The following PCDH15 variants were observed in gnomAD, a reference collection of about 807,000 sequenced individuals.
The protein encoded by PCDH15 is protocadherin related 15.
A neutral mutation model predicts 178.5 loss-of-function variants in PCDH15; 129 were observed. The ratio of observed to expected loss-of-function variants is 0.72; its 90% CI spans 0.63 to 0.84. The LOEUF is 0.84. PCDH15 is among the 40% of genes least tolerant of loss of function. The pLI is 0.00. For missense variants in PCDH15, 2,230 were observed against 2,099.9 expected (o/e 1.06, Z -1.21); for synonymous variants, 800 against 732.0 (o/e 1.09, Z -1.50).
chr10:54,182,644 C>G lies in PCDH15; in HGVS notation c.1590+800G>C, dbSNP rs1189672746. ...TACATGTTTTCAAAGTTACCATTTA[C>G]TATCTAACTTAAATTTTCTCTGCTG... On this transcript the variant is annotated intron_variant, in intron 13 of 37. Coordinates refer to ENST00000644397, the MANE Select transcript of PCDH15 (RefSeq NM_001384140.1). 3.9e-5 allele frequency among the ~76,000 whole-genome samples: 6 copies of G among 151,932 alleles called. 1 individual carries two copies. In the East Asian group the frequency reaches 1.2e-3, roughly 29 times the overall value.
chr10:55,606,570 C>T (rs979793100), intron 2 of PCDH15, among the ~76,000 whole-genome samples: 2,331 of 142,102 alleles, frequency 0.016, no homozygotes, highest in African/African-American at 0.06. Flanking sequence ...TGGAACAGAA[C>T]AGAGCCCTCA....
chr10:54,327,132 CA>C (rs1196828894), intron 7 of PCDH15, among the ~76,000 whole-genome samples: 1 of 151,758 alleles, frequency 6.6e-6, no homozygotes, highest in Non-Finnish European at 1.5e-5. Context: ...AACTAGACAC[CA>C]ATTCAGAATC....
chr10:54,284,874 G>T (rs1291150098), intron 8 of PCDH15, among the ~76,000 whole-genome samples: 1 of 152,146 alleles, frequency 6.6e-6, no homozygotes, highest in East Asian at 1.9e-4. Flanking sequence ...CCTGGTTCAT[G>T]GAGTCATACA....
At chr10:54,082,773 A>AC (rs2135978731) in intron 16 of PCDH15, among the ~76,000 whole-genome samples, 1 of 144,508 alleles carries the variant, frequency 6.9e-6, no homozygotes, top group Admixed American at 7.0e-5. Flanking sequence ...AAAAAAAAAA[A>AC]CCTTTTGTGC....
chr10:55,163,814 C>T (rs1278143644), intron 2 of PCDH15, among the ~76,000 whole-genome samples: 1 of 152,148 alleles, frequency 6.6e-6, no homozygotes, highest in Non-Finnish European at 1.5e-5. Flanking sequence ...GGGAGGAACC[C>T]TCAGTTCCAG....
intron 3 of PCDH15, among the ~76,000 whole-genome samples, chr10:54,812,439 T>G (rs1359403663): frequency 2.0e-5 from 3 of 151,588 alleles, no homozygotes; most frequent in Admixed American, 2.0e-4. Context: ...CCCAACTAAT[T>G]TTTTGTTTGT....
intron 4 of PCDH15, 60 bp downstream of exon 4, chr10:54,378,722 C>T (rs1210667233): frequency 6.5e-7 from 1 of 1,534,168 alleles, no homozygotes; most frequent in African/African-American, 1.4e-5. Context: ...TAAACACACA[C>T]ATAGACATTT....
intron 1 of PCDH15, among the ~76,000 whole-genome samples, chr10:54,747,079 G>A (rs544272821): frequency 6.6e-6 from 1 of 152,338 alleles, no homozygotes; most frequent in Non-Finnish European, 1.5e-5. Context: ...CTCTAGATAA[G>A]TTCATTAGAG....
At chr10:54,972,877 T>G (rs1331984615) in intron 2 of PCDH15, among the ~76,000 whole-genome samples, 1 of 142,470 alleles carries the variant, frequency 7.0e-6, no homozygotes, top group East Asian at 2.1e-4. Flanking sequence ...AAAAGAATAC[T>G]CAGAGATTTT....
chr10:54,534,240 C>T (rs941369586), intron 2 of PCDH15, among the ~76,000 whole-genome samples: 7 of 152,004 alleles, frequency 4.6e-5, no homozygotes, highest in African/African-American at 1.7e-4. Context: ...CCTCAGCTCT[C>T]CCAAATATTC....
At chr10:53,958,842 G>A (rs2087912285) in intron 23 of PCDH15, among the ~76,000 whole-genome samples, 1 of 151,714 alleles carries the variant, frequency 6.6e-6, no homozygotes, top group Admixed American at 6.6e-5. Context: ...AGCCAGGCAT[G>A]GTGGTGGGCA....
intron 2 of PCDH15, among the ~76,000 whole-genome samples, chr10:55,046,237 C>T (rs934403771): frequency 4.0e-5 from 6 of 151,874 alleles, no homozygotes; most frequent in African/African-American, 1.2e-4. Context: ...GAAATACCTG[C>T]TTGTGAGGAA....
At chr10:55,121,923 T>C (rs1837782796) in intron 2 of PCDH15, among the ~76,000 whole-genome samples, 2 of 152,152 alleles carry the variant, frequency 1.3e-5, no homozygotes, top group South Asian at 4.1e-4. Flanking sequence ...AAATGGCTGC[T>C]GTCTATGAAT....
chr10:55,457,220 C>A (rs1839574058), intron 2 of PCDH15, among the ~76,000 whole-genome samples: 1 of 151,980 alleles, frequency 6.6e-6, no homozygotes, highest in Non-Finnish European at 1.5e-5. Context: ...TAGGGCAATT[C>A]AACATTTTTA....
chr10:53,851,663 C>T (rs1181511569), intron 28 of PCDH15, among the ~76,000 whole-genome samples: 4 of 123,032 alleles, frequency 3.3e-5, no homozygotes, highest in Non-Finnish European at 5.1e-5. Flanking sequence ...TCTAATTATC[C>T]TCCTAGAAAT....
In PCDH15 at chr10:54,483,159, AT is replaced by A; in HGVS notation, c.157+44652del. Among the ~76,000 whole-genome samples the A allele has an allele frequency of 1.3e-5, 2 of 152,026 alleles. 1 individual carries two copies. Among genetic ancestry groups the A allele is most frequent in the South Asian group, 4.1e-4 (2 of 4,826 alleles). On this transcript the variant is annotated intron_variant, in intron 3 of 37. Transcript: ENST00000644397. ...TAAAATGAAACAAAATAATATGGAA[AT>A]TATAATTAAAAATTATTCTTGACTG...
intron 5 of PCDH15, among the ~76,000 whole-genome samples, chr10:54,367,952 G>A (rs1947060620): frequency 6.6e-6 from 1 of 151,700 alleles, no homozygotes; most frequent in Non-Finnish European, 1.5e-5. Flanking sequence ...CTCAAAGGGT[G>A]TATTTCAAAA....
intron 15 of PCDH15, among the ~76,000 whole-genome samples, chr10:54,123,630 A>G (rs1156696526): frequency 6.6e-6 from 1 of 152,160 alleles, no homozygotes; most frequent in Non-Finnish European, 1.5e-5. Context: ...TCAAAGAACT[A>G]AAAATAGAAC....
chr10:53,947,761 G>A lies in PCDH15; in HGVS notation c.3123-6786C>T, dbSNP rs144004907. Among the ~76,000 whole-genome samples the A allele has an allele frequency of 8.5e-5, 13 of 152,246 alleles. No homozygotes were observed. In the East Asian group the frequency reaches 1.9e-3, roughly 23 times the overall value. ...CAAAAGACTAGACACTGCTTTTTAC[G>A]TATGTTCCAAAGAATGCGTGCTTTC... On this transcript the variant is annotated intron_variant, in intron 23 of 37. Transcript: ENST00000644397.
Sources: allele counts gnomAD v4.1 joint callset (sites outside exome capture counted in the v4.1 genomes callset), GRCh38; gene constraint gnomAD v4.1.1; transcripts MANE v1.5; gene names NCBI Gene and HGNC (gene_info 2026-07-23, HGNC 2026-07-21).